Variants in RANGAP1 observed in about 807,000 individuals in gnomAD.
The protein encoded by RANGAP1 is Ran GTPase activating protein 1.
A neutral mutation model predicts 63.5 loss-of-function variants in RANGAP1; 38 were observed. The observed-to-expected ratio is 0.60, with a 90% CI of 0.46 to 0.78. The LOEUF (loss-of-function observed/expected upper bound fraction) is 0.78, where lower values mean the gene tolerates loss of function less well. RANGAP1 is among the 30% of genes least tolerant of loss of function. The probability of loss-of-function intolerance (pLI) is 0.00; values close to 1 mark genes in which losing one functional copy is unlikely to be tolerated. For missense variants in RANGAP1, 630 were observed against 740.3 expected (o/e 0.85, Z 1.73); for synonymous variants, 329 against 310.5 (o/e 1.06, Z -0.63).
intron 2 of RANGAP1, among the ~76,000 whole-genome samples, chr22:41,278,761 G>A (rs574929246): frequency 3.3e-5 from 5 of 152,324 alleles, no homozygotes; most frequent in Middle Eastern, 3.4e-3. Flanking sequence ...AGTGATAAAC[G>A]AGGTCAAAGT....
chr22:41,280,583 T>C (rs2035439375), intron 2 of RANGAP1: 9 of 1,081,628 alleles, frequency 8.3e-6, no homozygotes, highest in African/African-American at 1.6e-5. Flanking sequence ...CCTGGGATCA[T>C]GGGGGTTAAG....
upstream of RANGAP1, among the ~76,000 whole-genome samples, chr22:41,287,758 G>A (rs892308940): frequency 2.8e-4 from 43 of 151,814 alleles, no homozygotes; most frequent in East Asian, 9.7e-4. Flanking sequence ...AGGCCGAGGC[G>A]GGCGGATCAC....
chr22:41,249,606 G>A (rs1601586080), intron 14 of RANGAP1, 123 bp downstream of exon 14: 6 of 1,521,158 alleles, frequency 3.9e-6, no homozygotes, highest in South Asian at 2.3e-5. Flanking sequence ...CCCAGGCCTC[G>A]GGGCCCCGTG....
intron 11 of RANGAP1, 82 bp from the exon 12 acceptor site, chr22:41,253,073 C>G: frequency 7.7e-7 from 1 of 1,292,462 alleles, no homozygotes; most frequent in Non-Finnish European, 1.0e-6. Flanking sequence ...CCACACCCAG[C>G]ACATCCACCC....
chr22:41,259,327 C>A (rs147169820), intron 6 of RANGAP1, among the ~76,000 whole-genome samples: 1,675 of 152,200 alleles, frequency 0.011, 28 homozygotes, highest in African/African-American at 0.039. Flanking sequence ...TACAGGAAGG[C>A]CAACCTGGGC....
chr22:41,258,481 G>A (rs1304830785), intron 6 of RANGAP1, among the ~76,000 whole-genome samples: 1 of 152,162 alleles, frequency 6.6e-6, no homozygotes, highest in Non-Finnish European at 1.5e-5. Context: ...ATAGCTCCAT[G>A]TGACCTTTCT....
In RANGAP1 at chr22:41,256,299, AAG is replaced by A; in HGVS notation, c.889-11_889-10del. 1 of 1,613,836 alleles carries A rather than the reference AAG, an allele frequency of 6.2e-7. No individual in the cohort carries two copies. On this transcript the variant is annotated splice_polypyrimidine_tract_variant and intron_variant, in intron 8 of 15. Transcript: ENST00000356244. ...AATGACAAGTTCAGCTCCTGAAAAT[AAG>A]AGGAAGGGTTGGAGGCAGGCAGAAA...
intron 3 of RANGAP1, among the ~76,000 whole-genome samples, chr22:41,269,779 GT>G (rs1203772770): frequency 6.7e-6 from 1 of 150,136 alleles, no homozygotes; most frequent in African/African-American, 2.4e-5. Context: ...AAATTTGAAT[GT>G]TCCTAGCATA....
At chr22:41,302,119 C>T in the RANGAP1 span, among the ~76,000 whole-genome samples, 4 of 151,980 alleles carry the variant, frequency 2.6e-5, no homozygotes, top group African/African-American at 7.2e-5. The surrounding 1 kb of genome is among the most constrained non-coding windows in gnomAD (Gnocchi z 5.7). Context: ...TGGGGCCTCT[C>T]TCTTCGGCGT....
Position 41,246,484 on chromosome 22 carries a change from G to T in RANGAP1, c.*119C>A. 2 of 1,142,586 alleles carry T rather than the reference G, an allele frequency of 1.8e-6. No homozygotes were observed. The highest frequency in any genetic ancestry group is 1.4e-5 in the South Asian group (1 of 69,030). The allele number at this position is 1,142,586 out of a possible 1,614,324, so 70.8% of individuals were successfully genotyped here. A position where few individuals can be genotyped will look rare whatever the true frequency, so the allele number is the denominator to read the frequency against. On this transcript the variant is annotated 3_prime_UTR_variant, in exon 16 of 16. Transcript: ENST00000356244. ...GGACTGACAGGACACATGGGACACA[G>T]ACCCGCCCTGCCTGTGGCCAGAGTC...
intron 15 of RANGAP1, among the ~76,000 whole-genome samples, 173 bp from the exon 16 acceptor site, chr22:41,246,845 G>A (rs73430505): frequency 0.021 from 3,265 of 152,294 alleles, 90 homozygotes; most frequent in African/African-American, 0.074. Flanking sequence ...GGTGCGAGAG[G>A]CTCAGAGAGC....
chr22:41,284,066 G>A (rs1444930097), intron 1 of RANGAP1, among the ~76,000 whole-genome samples: 1 of 151,716 alleles, frequency 6.6e-6, no homozygotes, highest in Non-Finnish European at 1.5e-5. Context: ...GGCTAACACG[G>A]TGAAACCCGT....
At chr22:41,297,620 C>T in the RANGAP1 span, among the ~76,000 whole-genome samples, 3 of 150,248 alleles carry the variant, frequency 2.0e-5, no homozygotes, top group East Asian at 2.0e-4. Context: ...AAGGATCCTC[C>T]GCTTTGAGGA....
chr22:41,249,521 C>T, intron 14 of RANGAP1, 70 bp from the exon 15 acceptor site: 1 of 1,599,958 alleles, frequency 6.3e-7, no homozygotes, highest in Non-Finnish European at 8.5e-7. Flanking sequence ...ACTCCACCAT[C>T]CAGACTCTGC....
chr22:41,256,250 G>A lies in RANGAP1; in HGVS notation c.929C>T (p.Ala310Val), dbSNP rs763054520. 6.2e-7 allele frequency: 1 copy of A among 1,614,174 alleles called. No homozygotes were observed. The highest frequency in any genetic ancestry group is 8.5e-7 in the Non-Finnish European group (1 of 1,180,034). Reference protein sequence around the residue: ...LSFCEIKRDAALAVAEAMADK... With the variant: ...LSFCEIKRDAVLAVAEAMADK... Reference sequence around the variant, plus strand: ...TGCCATGGCCTCAGCAACAGCCAGGGCAGCATCCCTCTTGATTTCACAGAA... The same window carrying A: ...TGCCATGGCCTCAGCAACAGCCAGGACAGCATCCCTCTTGATTTCACAGAA... Residue 310 changes from alanine to valine, a missense_variant, in exon 9 of 16, where the codon GCC becomes GTC. Ala to Val is a moderately conservative substitution (Grantham distance 64). This residue lies in a region of RANGAP1 where 428 missense variants were observed against 465.5 expected (regional missense o/e 0.92). Transcript: ENST00000356244.
chr22:41,259,204 G>A (rs78445289), intron 6 of RANGAP1, among the ~76,000 whole-genome samples: 1 of 152,136 alleles, frequency 6.6e-6, no homozygotes, highest in East Asian at 1.9e-4. Context: ...AGTCTCCACT[G>A]TGACCCAGGA....
chr22:41,264,030 A>G (rs2034321575), intron 5 of RANGAP1, among the ~76,000 whole-genome samples: 1 of 152,254 alleles, frequency 6.6e-6, no homozygotes, highest in African/African-American at 2.4e-5. Flanking sequence ...CTGTGTCCCC[A>G]GCCCTTTTCT....
chr22:41,284,696 A>T (rs569253272), intron 1 of RANGAP1, among the ~76,000 whole-genome samples: 1 of 152,306 alleles, frequency 6.6e-6, no homozygotes, highest in East Asian at 1.9e-4. Flanking sequence ...GTATGCCGAA[A>T]CCCTGTCTCC....
In RANGAP1 at chr22:41,252,996, G is replaced by C. The variant is rs758361327; in HGVS notation, c.1261-5C>G. On this transcript the variant is annotated splice_region_variant and splice_polypyrimidine_tract_variant and intron_variant, in intron 11 of 15. Transcript: ENST00000356244. ...GGACAGCACGGGAGCTGGCTCCTGGGAAGTAGGGGCACAGAGGCTCTGGAG... is the reference window on the plus strand; with the variant it reads ...GGACAGCACGGGAGCTGGCTCCTGGCAAGTAGGGGCACAGAGGCTCTGGAG... 3 of 1,473,232 alleles carry C rather than the reference G, an allele frequency of 2.0e-6. No homozygotes were observed. In the South Asian group the frequency reaches 4.2e-5, roughly 20 times the overall value. 91.3% of individuals were successfully genotyped at this position (1,473,232 alleles called of 1,614,324 possible). A position where few individuals can be genotyped will look rare whatever the true frequency, so the allele number is the denominator to read the frequency against.
Sources: allele counts gnomAD v4.1 joint callset (sites outside exome capture counted in the v4.1 genomes callset), GRCh38; gene constraint gnomAD v4.1.1; regional missense constraint gnomAD v4.1.1; non-coding constraint Gnocchi (gnomAD v3.1); transcripts MANE v1.5; gene names NCBI Gene and HGNC (gene_info 2026-07-23, HGNC 2026-07-21).